Variants in SIPA1L1 observed in about 807,000 individuals in gnomAD.
The protein encoded by SIPA1L1 is signal induced proliferation associated 1 like 1.
SIPA1L1 carries 26 observed loss-of-function variants against 162.7 expected under a neutral mutation model. That is an observed-to-expected ratio of 0.16 (90% CI 0.12 to 0.22). SIPA1L1 has a LOEUF of 0.22. Among genes scored for constraint, SIPA1L1 ranks in the 10% least tolerant of loss-of-function variants. The probability of loss-of-function intolerance (pLI) is 1.00; values close to 1 mark genes in which losing one functional copy is unlikely to be tolerated. For synonymous variants in SIPA1L1, 829 were observed against 837.4 expected (o/e 0.99, Z 0.17); for missense variants, 1,874 against 2,241.0 (o/e 0.84, Z 3.31).
chr14:71,326,935 C>G (rs2033890932), intron 2 of SIPA1L1, among the ~76,000 whole-genome samples: 1 of 151,596 alleles, frequency 6.6e-6, no homozygotes, highest in African/African-American at 2.4e-5. Context: ...TGGTCTAGGA[C>G]TCCTGACTTC....
At chr14:71,584,462 C>T (rs559437048) in intron 4 of SIPA1L1, among the ~76,000 whole-genome samples, 1 of 152,348 alleles carries the variant, frequency 6.6e-6, no homozygotes, top group African/African-American at 2.4e-5. Context: ...ATGACCCATG[C>T]ATCCCCCGTC....
At chr14:71,498,507 T>C (rs1209447824) in intron 2 of SIPA1L1, among the ~76,000 whole-genome samples, 1 of 152,334 alleles carries the variant, frequency 6.6e-6, no homozygotes, top group East Asian at 1.9e-4. Flanking sequence ...CTAAGGAAAG[T>C]ACATAAACTC....
At chr14:71,622,565 A>G (rs2039558888) in intron 6 of SIPA1L1, among the ~76,000 whole-genome samples, 1 of 152,234 alleles carries the variant, frequency 6.6e-6, no homozygotes, top group African/African-American at 2.4e-5. Context: ...CATGAAGAAA[A>G]CAGTCAAATA....
chr14:71,405,042 GTAAATAACAAGTATCAAAAGTAATTATT>G (rs1307237831), intron 2 of SIPA1L1, among the ~76,000 whole-genome samples: 1 of 152,216 alleles, frequency 6.6e-6, no homozygotes, highest in African/African-American at 2.4e-5. Flanking sequence ...GGAAGACTCA[GTAAATAACAAGTATCAAAAGTAATTATT>G]GTGCCTATGG....
chr14:71,544,350 C>T (rs1567182416), intron 4 of SIPA1L1, among the ~76,000 whole-genome samples: 1 of 150,924 alleles, frequency 6.6e-6, no homozygotes, highest in African/African-American at 2.4e-5. Flanking sequence ...TGTGTATATA[C>T]ATGTATCATA....
In SIPA1L1 at chr14:71,721,809, T is replaced by C. The variant is rs1023246032; in HGVS notation, c.4209-1838T>C. On this transcript the variant is annotated intron_variant, in intron 17 of 23. Coordinates refer to ENST00000381232, the MANE Select transcript of SIPA1L1 (RefSeq NM_001386936.1). ...ATGTGCACCCCAAGTCCACTTCTTC[T>C]TAAACCAGTGCAGCTCTGGGGCTTG... 1.1e-4 allele frequency among the ~76,000 whole-genome samples: 17 copies of C among 152,198 alleles called. 1 individual carries two copies. Among genetic ancestry groups the C allele is most frequent in the African/African-American group, 3.4e-4 (14 of 41,454 alleles).
intron 4 of SIPA1L1, among the ~76,000 whole-genome samples, chr14:71,556,198 G>A (rs534760942): frequency 6.6e-6 from 1 of 152,306 alleles, no homozygotes; most frequent in East Asian, 1.9e-4. Flanking sequence ...TTTTTCAAAT[G>A]TTTAACCAAT....
chr14:71,666,151 A>G (rs546603040), intron 10 of SIPA1L1, among the ~76,000 whole-genome samples: 2 of 152,332 alleles, frequency 1.3e-5, no homozygotes, highest in Non-Finnish European at 2.9e-5. Flanking sequence ...GGAAGAATAC[A>G]ACCTCACCTA....
At chr14:71,660,106 A>G (rs1056257421) in intron 9 of SIPA1L1, among the ~76,000 whole-genome samples, 1 of 152,182 alleles carries the variant, frequency 6.6e-6, no homozygotes, top group Non-Finnish European at 1.5e-5. Context: ...ATTTTGAAGA[A>G]TGAATAATAT....
At chr14:71,363,179 CT>C in intron 2 of SIPA1L1, among the ~76,000 whole-genome samples, 1 of 152,270 alleles carries the variant, frequency 6.6e-6, no homozygotes, top group Admixed American at 6.5e-5. Context: ...TTTCTGTTTG[CT>C]TAAAGCTTAA....
chr14:71,671,204 A>G lies in SIPA1L1; in HGVS notation c.2341A>G (p.Arg781Gly), dbSNP rs1357588100. 1 of 1,614,196 alleles carries G rather than the reference A, an allele frequency of 6.2e-7. No homozygotes were observed. Reference protein sequence around the residue: ...GVTFPKSNVFRDFLLAKVINA... With the variant: ...GVTFPKSNVFGDFLLAKVINA... Reference sequence around the variant, plus strand: ...CACTTTCCCTAAGTCAAATGTGTTCAGGGACTTCCTTTTGGCGAAAGTGAT... The same window carrying G: ...CACTTTCCCTAAGTCAAATGTGTTCGGGGACTTCCTTTTGGCGAAAGTGAT... Residue 781 changes from arginine to glycine, a missense_variant, in exon 11 of 24, where the codon AGG (arginine) becomes GGG (glycine). By Grantham distance (125) the Arg-to-Gly change is moderately radical. This residue lies in a region of SIPA1L1 where 243 missense variants were observed against 315.0 expected (regional missense o/e 0.77). Transcript: ENST00000381232.
intron 4 of SIPA1L1, among the ~76,000 whole-genome samples, chr14:71,583,533 A>C (rs1442495904): frequency 6.6e-6 from 1 of 152,052 alleles, no homozygotes; most frequent in Admixed American, 6.6e-5. Context: ...CACAACAGGA[A>C]CTGTAGTGTT....
intron 4 of SIPA1L1, among the ~76,000 whole-genome samples, chr14:71,571,544 C>G (rs1444671393): frequency 6.6e-6 from 1 of 152,118 alleles, no homozygotes; most frequent in East Asian, 1.9e-4. Flanking sequence ...TCAGTTCCAA[C>G]AGTAAAAGCT....
At chr14:71,621,299 A>G (rs1175373709) in intron 6 of SIPA1L1, among the ~76,000 whole-genome samples, 1 of 152,192 alleles carries the variant, frequency 6.6e-6, no homozygotes, top group East Asian at 1.9e-4. Flanking sequence ...TCCCTCTGAG[A>G]AACAGCCACT....
intron 4 of SIPA1L1, among the ~76,000 whole-genome samples, chr14:71,550,182 G>T (rs2055677579): frequency 6.6e-6 from 1 of 152,164 alleles, no homozygotes; most frequent in Non-Finnish European, 1.5e-5. Context: ...GACCCCAGAA[G>T]TTTGTTGCAG....
chr14:71,720,816 CTCTT>C (rs2083656788), intron 17 of SIPA1L1, among the ~76,000 whole-genome samples: 1 of 152,026 alleles, frequency 6.6e-6, no homozygotes, highest in Non-Finnish European at 1.5e-5. Context: ...TCTCTTTGAT[CTCTT>C]TGTTAAATTT....
At chr14:71,438,682 C>T (rs1022268291) in intron 2 of SIPA1L1, among the ~76,000 whole-genome samples, 1 of 152,000 alleles carries the variant, frequency 6.6e-6, no homozygotes, top group African/African-American at 2.4e-5. Flanking sequence ...AAAAAATCCT[C>T]TTGCCTGTCT....
At chr14:71,404,720 G>A (rs113338256) in intron 2 of SIPA1L1, among the ~76,000 whole-genome samples, 2,695 of 152,274 alleles carry the variant, frequency 0.018, 31 homozygotes, top group African/African-American at 0.026. Flanking sequence ...TTGCAAGGCC[G>A]TCCATTTAAA....
chr14:71,409,639 A>G (rs771206084), intron 2 of SIPA1L1, among the ~76,000 whole-genome samples: 1 of 152,338 alleles, frequency 6.6e-6, no homozygotes, highest in Middle Eastern at 3.4e-3. Context: ...AGATGACTAT[A>G]TAACATCAGT....
Sources: allele counts gnomAD v4.1 joint callset (sites outside exome capture counted in the v4.1 genomes callset), GRCh38; gene constraint gnomAD v4.1.1; regional missense constraint gnomAD v4.1.1; transcripts MANE v1.5; gene names NCBI Gene and HGNC (gene_info 2026-07-23, HGNC 2026-07-21).